The following SENP6 variants were observed in gnomAD, a reference collection of about 807,000 sequenced individuals.
SENP6 encodes the protein sentrin-specific protease 6.
A neutral mutation model predicts 134.5 loss-of-function variants in SENP6; 41 were observed. That is an observed-to-expected ratio of 0.30 (90% confidence interval 0.24 to 0.40). The LOEUF (loss-of-function observed/expected upper bound fraction) is 0.40, where lower values mean the gene tolerates loss of function less well. SENP6 is among the 10% of genes least tolerant of loss of function. The pLI is 1.00. For synonymous variants in SENP6, 395 were observed against 429.8 expected (o/e 0.92, Z 1.00); for missense variants, 1,248 against 1,312.5 (o/e 0.95, Z 0.76).
chr6:75,660,495 A>G (rs1178656548), intron 8 of SENP6, among the ~76,000 whole-genome samples: 11 of 152,116 alleles, frequency 7.2e-5, no homozygotes, highest in East Asian at 3.9e-4. Flanking sequence ...TGATGCTTCA[A>G]TTGTCCCAGA....
chr6:75,620,911 A>G (rs952124011), intron 1 of SENP6, among the ~76,000 whole-genome samples: 1 of 152,108 alleles, frequency 6.6e-6, no homozygotes, highest in Non-Finnish European at 1.5e-5. Flanking sequence ...CCAAGAGAGA[A>G]ATGCCATCTT....
chr6:75,705,925 C>CTTTTTTTTTTTT (rs71544062), intron 19 of SENP6, among the ~76,000 whole-genome samples: 2 of 47,974 alleles, frequency 4.2e-5, no homozygotes, highest in Non-Finnish European at 7.0e-5. Flanking sequence ...ATTTTTGAGC[C>CTTTTTTTTTTTT]TTTTTTTTTT....
intron 1 of SENP6, 30 bp downstream of exon 1, chr6:75,602,606 A>G: frequency 6.5e-7 from 1 of 1,548,120 alleles, no homozygotes. Flanking sequence ...TGACGGGGAG[A>G]AGGGAGGGTA....
At chr6:75,622,783 T>G (rs1043069525) in intron 2 of SENP6, 1 of 1,289,144 alleles carries the variant, frequency 7.8e-7, no homozygotes, top group South Asian at 1.2e-5. Flanking sequence ...ACAGCTCCGT[T>G]CATCATTACC....
At chr6:75,703,720 C>T (rs1040976568) in intron 19 of SENP6, among the ~76,000 whole-genome samples, 1 of 151,954 alleles carries the variant, frequency 6.6e-6, no homozygotes, top group South Asian at 2.1e-4. Context: ...GGAGATCGCA[C>T]CACTGCAGTC....
intron 16 of SENP6, among the ~76,000 whole-genome samples, chr6:75,684,381 C>T (rs529495366): frequency 1.3e-5 from 2 of 152,278 alleles, no homozygotes; most frequent in South Asian, 2.1e-4. Flanking sequence ...TAATTGAATA[C>T]GCTTTATTTC....
intron 16 of SENP6, among the ~76,000 whole-genome samples, chr6:75,688,000 A>C (rs769847836): frequency 6.6e-6 from 1 of 152,194 alleles, no homozygotes; most frequent in Non-Finnish European, 1.5e-5. Context: ...CCCTGCCCAC[A>C]GTGGTGGAGT....
At chr6:75,658,479 G>A (rs549578265) in intron 7 of SENP6, among the ~76,000 whole-genome samples, 4 of 152,166 alleles carry the variant, frequency 2.6e-5, no homozygotes, top group Admixed American at 1.3e-4. Flanking sequence ...TTAGAAACAT[G>A]TTTGGCCTCT....
chr6:75,677,767 A>C (rs1773193542), intron 14 of SENP6: 1 of 153,014 alleles, frequency 6.5e-6, no homozygotes, highest in South Asian at 2.0e-4. Flanking sequence ...CTCTGAAGCC[A>C]CCTGAAGCAA....
intron 10 of SENP6, 87 bp from the exon 11 acceptor site, chr6:75,670,466 T>C: frequency 1.2e-6 from 1 of 841,898 alleles, no homozygotes; most frequent in Admixed American, 2.6e-5. Context: ...TTTACATTTC[T>C]TATATTGGGT....
At chr6:75,658,500 A>G (rs1341715394) in intron 7 of SENP6, among the ~76,000 whole-genome samples, 5 of 152,082 alleles carry the variant, frequency 3.3e-5, no homozygotes, top group African/African-American at 9.7e-5. Context: ...TGGATACTTA[A>G]TCCTTTGCTG....
intron 16 of SENP6, among the ~76,000 whole-genome samples, chr6:75,692,232 A>C (rs931416848): frequency 2.6e-5 from 4 of 152,172 alleles, no homozygotes; most frequent in African/African-American, 9.7e-5. Flanking sequence ...TTTTAAAGTT[A>C]ATAGTTGTGA....
chr6:75,664,321 A>T (rs1772023768), intron 9 of SENP6, among the ~76,000 whole-genome samples: 1 of 152,106 alleles, frequency 6.6e-6, no homozygotes, highest in South Asian at 2.1e-4. Context: ...TTTAATATAT[A>T]CTTGTGTAGT....
rs1562030211 is a variant in SENP6 at position 75,670,647 on chromosome 6, T to C, written c.1319T>C (p.Phe440Ser). 4 of 1,613,742 alleles carry C rather than the reference T, an allele frequency of 2.5e-6. No individual in the cohort carries two copies. Among genetic ancestry groups the C allele is most frequent in the Non-Finnish European group, 3.4e-6 (4 of 1,179,788 alleles). The change falls in exon 11 of 24, where the codon TTT becomes TCT. Residue 440 changes from phenylalanine to serine, a missense_variant. Phe to Ser is a radical substitution (Grantham distance 155). This residue lies in a region of SENP6 where 733 missense variants were observed against 725.4 expected (regional missense o/e 1.01). Coordinates refer to ENST00000447266, the MANE Select transcript of SENP6 (RefSeq NM_015571.4). ...TTAGCTTTAAGCTGCCAAAGTTCCTTTGACAGTGTCATTTTAAACTGTCGA... is the reference window on the plus strand; with the variant it reads ...TTAGCTTTAAGCTGCCAAAGTTCCTCTGACAGTGTCATTTTAAACTGTCGA... ...DALALSCQSS[F>S]DSVILNCRSI...
chr6:75,666,453 TA>T (rs1772253496), intron 9 of SENP6, among the ~76,000 whole-genome samples: 1 of 150,754 alleles, frequency 6.6e-6, no homozygotes, highest in Non-Finnish European at 1.5e-5. Context: ...TGATGGACTG[TA>T]AAATCAAATT....
At chr6:75,682,097 G>A (rs1288388846) in intron 16 of SENP6, among the ~76,000 whole-genome samples, 2 of 152,042 alleles carry the variant, frequency 1.3e-5, no homozygotes, top group African/African-American at 2.4e-5. Flanking sequence ...AGAAAGCAGA[G>A]TCTGACAAAT....
intron 19 of SENP6, among the ~76,000 whole-genome samples, chr6:75,706,546 G>C (rs1349241653): frequency 6.6e-5 from 10 of 152,128 alleles, no homozygotes; most frequent in Admixed American, 5.9e-4. Flanking sequence ...AGTTAAATTT[G>C]AGTAAATAGC....
At chr6:75,666,130 C>A (rs1393855262) in intron 9 of SENP6, among the ~76,000 whole-genome samples, 1 of 130,422 alleles carries the variant, frequency 7.7e-6, no homozygotes, top group African/African-American at 2.8e-5. Flanking sequence ...ATATATAAAA[C>A]GTATATATGA....
In SENP6 at chr6:75,632,653, G is replaced by A. The variant is rs145235594; in HGVS notation, c.208-928G>A. Among the ~76,000 whole-genome samples, 320 of 151,822 alleles carry A rather than the reference G, an allele frequency of 2.1e-3. 1 individual carries two copies. The highest frequency in any genetic ancestry group is 7.4e-3 in the African/African-American group (308 of 41,458). ...GAACAAATGGATTCATCTATTCACA[G>A]TAGTTCTCTTGATGCTGTGCTTGCA... On this transcript the variant is annotated intron_variant, in intron 3 of 23. Transcript: ENST00000447266.
Sources: gnomAD v4.1 joint callset for allele counts (sites outside exome capture counted in the v4.1 genomes callset) on GRCh38, gnomAD v4.1.1 for gene constraint, gnomAD v4.1.1 regional missense constraint, MANE v1.5 for transcripts, NCBI Gene and HGNC (gene_info 2026-07-23, HGNC 2026-07-21) for gene names.